MRRF: variants seen among roughly 807,000 people sequenced by gnomAD.
MRRF encodes mitochondrial ribosome recycling factor.
A neutral mutation model predicts 25.1 loss-of-function variants in MRRF; 18 were observed. That is an observed-to-expected ratio of 0.72 (90% CI 0.50 to 1.06). The LOEUF (loss-of-function observed/expected upper bound fraction) is 1.06. Among genes scored for constraint, MRRF ranks in the 50% least tolerant of loss-of-function variants. MRRF has a pLI of 0.00. For missense variants in MRRF, 323 were observed against 319.3 expected (o/e 1.01, Z -0.09); for synonymous variants, 113 against 112.1 (o/e 1.01, Z -0.05).
chr9:122,265,981 C>T lies in MRRF; in HGVS notation c.-29+1043C>T, dbSNP rs564641027. Among the ~76,000 whole-genome samples the T allele has an allele frequency of 3.7e-4, 56 of 152,280 alleles. 1 individual carries two copies. Among genetic ancestry groups the T allele is most frequent in the African/African-American group, 1.3e-3 (54 of 41,534 alleles). On this transcript the variant is annotated intron_variant, in intron 1 of 6. Coordinates refer to ENST00000344641, the MANE Select transcript of MRRF (RefSeq NM_138777.5). ...TATCTCTAAGCAAAAATCTGGCAAA[C>T]CAGAGACAGTGGAGGCAACGCTGGG...
intron 2 of MRRF, among the ~76,000 whole-genome samples, chr9:122,279,126 C>A (rs1055920521): frequency 6.6e-6 from 1 of 152,112 alleles, no homozygotes; most frequent in African/African-American, 2.4e-5. Context: ...CTGCCTCGGC[C>A]CCACAAAGTG....
chr9:122,286,939 A>G (rs1262308263), intron 4 of MRRF, among the ~76,000 whole-genome samples: 3 of 152,144 alleles, frequency 2.0e-5, no homozygotes, highest in Non-Finnish European at 4.4e-5. Context: ...TCCTTGTACA[A>G]TGCTTTAGCC....
At chr9:122,308,861 C>T (rs979002466) in intron 5 of MRRF, among the ~76,000 whole-genome samples, 1 of 152,032 alleles carries the variant, frequency 6.6e-6, no homozygotes, top group African/African-American at 2.4e-5. Flanking sequence ...TACCATGACA[C>T]CTGGCTAATT....
chr9:122,301,565 G>C (rs1834461937), intron 5 of MRRF, among the ~76,000 whole-genome samples: 2 of 152,144 alleles, frequency 1.3e-5, no homozygotes, highest in Non-Finnish European at 2.9e-5. Context: ...GGATAGAGGG[G>C]AGAAGAGAAC....
At chr9:122,269,156 ACT>A (rs751262419) in intron 1 of MRRF, among the ~76,000 whole-genome samples, 1 of 148,838 alleles carries the variant, frequency 6.7e-6, no homozygotes, top group Non-Finnish European at 1.5e-5. Flanking sequence ...ACAGAGTGAG[ACT>A]CTGTCTCAAA....
chr9:122,276,810 C>T (rs980621543), intron 2 of MRRF, among the ~76,000 whole-genome samples: 5 of 151,998 alleles, frequency 3.3e-5, no homozygotes, highest in Non-Finnish European at 5.9e-5. Flanking sequence ...GCTTACTTAT[C>T]GGTTATCAAG....
At chr9:122,304,526 C>T (rs1834707944) in intron 5 of MRRF, among the ~76,000 whole-genome samples, 1 of 152,196 alleles carries the variant, frequency 6.6e-6, no homozygotes, top group Admixed American at 6.5e-5. Flanking sequence ...GCCACCAACA[C>T]TTATGCAAAA....
In MRRF at chr9:122,287,099, C is replaced by G. The variant is rs144657247; in HGVS notation, c.459+1812C>G. 1.0e-3 allele frequency among the ~76,000 whole-genome samples: 154 copies of G among 152,342 alleles called. 2 individuals carry two copies. Among genetic ancestry groups the G allele is most frequent in the Non-Finnish European group, 2.8e-4 (19 of 68,030 alleles). On this transcript the variant is annotated intron_variant, in intron 4 of 6. Transcript: ENST00000344641. ...CTTAAACGTCACTTTCTTAAGGAAG[C>G]CTTTCCTGACCTCTCCAATCTAAAT... is the stretch of plus-strand genomic sequence containing the variant.
intron 6 of MRRF, among the ~76,000 whole-genome samples, chr9:122,316,506 AT>A (rs1835536816): frequency 6.6e-6 from 1 of 152,106 alleles, no homozygotes. Flanking sequence ...TAATAACTTA[AT>A]TTACTGTCAT....
chr9:122,279,689 A>C (rs1401724240), intron 2 of MRRF, among the ~76,000 whole-genome samples: 1 of 152,224 alleles, frequency 6.6e-6, no homozygotes. Flanking sequence ...ATGAAATTAT[A>C]TTCAGCTCCC....
Position 122,298,989 on chromosome 9 carries a change from G to T in MRRF, c.551+7149G>T, listed in dbSNP as rs117547572. On this transcript the variant is annotated intron_variant, in intron 5 of 6. Coordinates refer to ENST00000344641, the MANE Select transcript of MRRF (RefSeq NM_138777.5). The stretch of plus-strand genomic sequence containing the variant: ...AACCATGCCTATATCCAGCACTGAG[G>T]CAGAGGAAGCAAGAAGTGCAAAGGC... Among the ~76,000 whole-genome samples the T allele has an allele frequency of 4.0e-4, 61 of 152,214 alleles. No individual in the cohort carries two copies. The East Asian group carries it at 0.011, about 27-fold the overall frequency.
At chr9:122,287,261 A>G (rs1264785463) in intron 4 of MRRF, among the ~76,000 whole-genome samples, 7 of 152,200 alleles carry the variant, frequency 4.6e-5, no homozygotes, top group Non-Finnish European at 8.8e-5. Flanking sequence ...AGGAATGTCT[A>G]ATTTGCTCAT....
At chr9:122,319,266 C>G (rs1564516739) in intron 6 of MRRF, among the ~76,000 whole-genome samples, 1 of 151,618 alleles carries the variant, frequency 6.6e-6, no homozygotes, top group African/African-American at 2.4e-5. Flanking sequence ...TTCTCCTGCC[C>G]CAGCCTCCCC....
intron 6 of MRRF, among the ~76,000 whole-genome samples, chr9:122,316,278 C>T (rs756473713): frequency 2.0e-5 from 3 of 152,008 alleles, no homozygotes; most frequent in Non-Finnish European, 4.4e-5. Flanking sequence ...TGGGTTCAAG[C>T]GATTCTCCTG....
Position 122,280,533 on chromosome 9 carries a change from T to TG in MRRF, c.276dup (p.Lys93GlufsTer10). 1 of 1,613,988 alleles carries TG rather than the reference T, an allele frequency of 6.2e-7. No individual in the cohort carries two copies. The highest frequency in any genetic ancestry group is 8.5e-7 in the Non-Finnish European group (1 of 1,179,864). On this transcript the variant is annotated frameshift_variant, in exon 3 of 7. Transcript: ENST00000344641. LOFTEE classifies it high-confidence loss of function. ...AACTTGGAAGAGGTGAATGAAGAAA[T>TG]GAAGTCTGTGATAGAAGCTCTCAAG...
At chr9:122,302,022 G>A (rs1395809597) in intron 5 of MRRF, among the ~76,000 whole-genome samples, 1 of 151,938 alleles carries the variant, frequency 6.6e-6, no homozygotes, top group African/African-American at 2.4e-5. Context: ...GGGATTACAG[G>A]CATAAGACCA....
At chr9:122,286,637 C>T (rs1459224820) in intron 4 of MRRF, among the ~76,000 whole-genome samples, 2 of 152,100 alleles carry the variant, frequency 1.3e-5, no homozygotes, top group Non-Finnish European at 2.9e-5. Context: ...CGCTTGAGTC[C>T]GGGAGTTTGA....
At chr9:122,292,498 T>TA (rs1201448844) in intron 5 of MRRF, among the ~76,000 whole-genome samples, 1 of 152,080 alleles carries the variant, frequency 6.6e-6, no homozygotes, top group East Asian at 1.9e-4. Flanking sequence ...TTTTTAAATT[T>TA]AAAAAAAGAA....
chr9:122,289,502 C>G (rs1376916089), intron 4 of MRRF, among the ~76,000 whole-genome samples: 1 of 151,748 alleles, frequency 6.6e-6, no homozygotes, highest in African/African-American at 2.4e-5. Context: ...GATTATCAGT[C>G]ATTCATGAGA....
Sources: gnomAD v4.1 joint callset for allele counts (sites outside exome capture counted in the v4.1 genomes callset) on GRCh38, gnomAD v4.1.1 for gene constraint, MANE v1.5 for transcripts, NCBI Gene and HGNC (gene_info 2026-07-23, HGNC 2026-07-21) for gene names.